The following ARHGEF37 variants were observed in gnomAD, a reference collection of about 807,000 sequenced individuals.
ARHGEF37 encodes the protein Rho guanine nucleotide exchange factor 37.
A neutral mutation model predicts 71.1 loss-of-function variants in ARHGEF37; 55 were observed. The observed-to-expected ratio is 0.77, with a 90% CI of 0.62 to 0.97. ARHGEF37 has a LOEUF of 0.97. Ranked by LOEUF, ARHGEF37 falls within the 50% of genes least tolerant of loss-of-function variation. ARHGEF37 has a pLI of 0.00. For missense variants in ARHGEF37, 765 were observed against 836.8 expected, an observed-to-expected ratio of 0.91 and a Z score of 1.06; for synonymous variants, 327 against 350.6, an observed-to-expected ratio of 0.93 and a Z score of 0.75.
chr5:149,632,252 G>C lies in ARHGEF37; in HGVS notation c.*61G>C. The C allele has an allele frequency of 6.4e-7, 1 of 1,558,858 alleles. No homozygotes were observed. Among genetic ancestry groups the C allele is most frequent in the Non-Finnish European group, 8.8e-7 (1 of 1,142,184 alleles). On this transcript the variant is annotated 3_prime_UTR_variant, in exon 13 of 13. Transcript: ENST00000333677. ...GGGGAGGCTTAGAGGCTCTGACCCT[G>C]GGGGGAAAAGAAGCAAAGGAAAGGT...
At chr5:149,557,705 A>G (rs1370130595) in intron 1 of ARHGEF37, among the ~76,000 whole-genome samples, 2 of 152,210 alleles carry the variant, frequency 1.3e-5, no homozygotes, top group Non-Finnish European at 2.9e-5. Flanking sequence ...ACAGTTAGCA[A>G]CTTCAAACCC....
At position 149,622,007 on chromosome 5, in the gene ARHGEF37, T is replaced by C; in HGVS notation, c.1280T>C (p.Leu427Pro). ...CAGATCATGTGCACATTCGTGACCC[T>C]CCAGAGGGACCTTGCAAAGCAAGTG... ...LGQIMCTFVT[L>P]QRDLAKQVLQ... Residue 427 changes from leucine (L) to proline (P), a missense_variant, in exon 9 of 13, where the codon CTC becomes CCC. By Grantham distance (98) the Leu-to-Pro change is moderately conservative. Around this residue, in one of 5 missense-constraint regions of ARHGEF37, gnomAD observed 390 missense variants for 407.4 expected, o/e 0.96. Transcript: ENST00000333677. 6.2e-7 allele frequency: 1 copy of C among 1,614,032 alleles called. No homozygotes were observed. The highest frequency in any genetic ancestry group is 1.7e-5 in the Admixed American group (1 of 60,002).
At chr5:149,580,018 G>A (rs953980277), upstream of ARHGEF37, among the ~76,000 whole-genome samples, 17 of 151,976 alleles carry the variant, frequency 1.1e-4, no homozygotes, top group African/African-American at 4.1e-4. Flanking sequence ...TAATCCATAG[G>A]GCTACTTTTT....
At chr5:149,579,545 G>A (rs1049444566), upstream of ARHGEF37, among the ~76,000 whole-genome samples, 1 of 151,996 alleles carries the variant, frequency 6.6e-6, no homozygotes, top group Non-Finnish European at 1.5e-5. Flanking sequence ...TACTTTTAGT[G>A]ACAGGATATG....
At chr5:149,612,760 C>T (rs894444750) in intron 4 of ARHGEF37, among the ~76,000 whole-genome samples, 3 of 152,218 alleles carry the variant, frequency 2.0e-5, no homozygotes, top group Non-Finnish European at 4.4e-5. Flanking sequence ...TAAATGCCTG[C>T]GGCATTACTT....
chr5:149,616,812 C>T (rs1752397477), intron 5 of ARHGEF37, 46 bp downstream of exon 5: 5 of 1,509,598 alleles, frequency 3.3e-6, no homozygotes, highest in Non-Finnish European at 4.5e-6. Context: ...GGAATGCTTC[C>T]AGTTACAGAA....
Position 149,621,878 on chromosome 5 carries a change from T to G in ARHGEF37, c.1151T>G (p.Val384Gly). The G allele has an allele frequency of 6.2e-7, 1 of 1,614,244 alleles. No homozygotes were observed. Among genetic ancestry groups the G allele is most frequent in the Non-Finnish European group, 8.5e-7 (1 of 1,180,044 alleles). ...VEEKLLEVGSVTYQEEAARHT... is the reference protein window; with the variant it reads ...VEEKLLEVGSGTYQEEAARHT... ...GAGAAGCTGCTGGAGGTGGGCAGTG[T>G]GACCTACCAGGAGGAGGCCGCCCGG... The change falls in exon 9 of 13, where the codon GTG (valine) becomes GGG (glycine). Residue 384 changes from valine (V) to glycine (G), a missense_variant. By Grantham distance (109) the Val-to-Gly change is moderately radical. Coordinates refer to ENST00000333677, the MANE Select transcript of ARHGEF37 (RefSeq NM_001001669.3).
At position 149,628,855 on chromosome 5, in the gene ARHGEF37, G is replaced by T; in HGVS notation, c.1707G>T (p.Val569=). 1 of 1,613,762 alleles carries T rather than the reference G, an allele frequency of 6.2e-7. No homozygotes were observed. Among genetic ancestry groups the T allele is most frequent in the South Asian group, 1.1e-5 (1 of 91,024 alleles). The change falls in exon 12 of 13, where the codon GTG becomes GTT. Residue 569 remains valine (V), a synonymous_variant. Transcript: ENST00000333677. ...VPAGKLQLYH[V]VPSAEELRRQ... is the part of the protein sequence containing the mutation. Reference sequence around the variant, plus strand: ...CTGGGAAACTACAGCTGTACCATGTGGTCCCCAGTGCAGAGGAGCTCAGAA... The same window carrying T: ...CTGGGAAACTACAGCTGTACCATGTTGTCCCCAGTGCAGAGGAGCTCAGAA...
At chr5:149,593,331 C>G (rs964542265) in intron 1 of ARHGEF37, among the ~76,000 whole-genome samples, 4 of 152,260 alleles carry the variant, frequency 2.6e-5, no homozygotes, top group African/African-American at 9.6e-5. Context: ...TCTCCATCCC[C>G]TCAGCCTTAG....
intron 4 of ARHGEF37, among the ~76,000 whole-genome samples, chr5:149,613,349 A>ATT (rs34322237): frequency 1.2e-3 from 175 of 145,188 alleles, no homozygotes; most frequent in Non-Finnish European, 1.2e-3. Context: ...GATAGATAGA[A>ATT]TTTTTTTTTT....
Position 149,572,943 on chromosome 5 carries a change from T to C in ARHGEF37, c.-12+20820T>C, listed in dbSNP as rs1762985246. Among the ~76,000 whole-genome samples the C allele has an allele frequency of 2.6e-5, 4 of 152,186 alleles. No homozygotes were observed. In the South Asian group the frequency reaches 8.3e-4, roughly 32 times the overall value. Reference sequence around the variant, plus strand: ...AATTTATTTTAAAAAAAAATTTATTTAGCTCACAATTCTGCAGGCTTGGTA... The same window carrying C: ...AATTTATTTTAAAAAAAAATTTATTCAGCTCACAATTCTGCAGGCTTGGTA... On this transcript the variant is annotated intron_variant, in intron 1 of 2. Coordinates refer to the ARHGEF37 transcript ENST00000505810.
In ARHGEF37 at chr5:149,609,730, C is replaced by T. The variant is rs760239163; in HGVS notation, c.458+35C>T. 5.0e-6 allele frequency: 8 copies of T among 1,610,282 alleles called. No homozygotes were observed. In the South Asian group the frequency reaches 8.8e-5, roughly 18 times the overall value. ...ACGGCCAGTGAGCACTCGCTCCTACCCCACTGACCCGGTTCAGGAGCAGCT... is the reference window on the plus strand; with the variant it reads ...ACGGCCAGTGAGCACTCGCTCCTACTCCACTGACCCGGTTCAGGAGCAGCT... On this transcript the variant is annotated intron_variant, in intron 4 of 12. Coordinates refer to ENST00000333677, the MANE Select transcript of ARHGEF37 (RefSeq NM_001001669.3).
chr5:149,567,379 A>G (rs1762910024), intron 1 of ARHGEF37, among the ~76,000 whole-genome samples: 1 of 152,228 alleles, frequency 6.6e-6, no homozygotes, highest in Non-Finnish European at 1.5e-5. Context: ...GGTGGTGTCC[A>G]CAAAGTTATT....
chr5:149,583,298 G>A (rs944618883), intron 1 of ARHGEF37, among the ~76,000 whole-genome samples: 7 of 152,212 alleles, frequency 4.6e-5, no homozygotes, highest in East Asian at 1.9e-4. Context: ...CACTATGCCC[G>A]GTTAATTTTT....
chr5:149,618,369 TGGGTAGACAGG>T, intron 6 of ARHGEF37, 63 bp downstream of exon 6: 1 of 1,605,146 alleles, frequency 6.2e-7, no homozygotes, highest in Non-Finnish European at 8.5e-7. Context: ...CCCTGCACAG[TGGGTAGACAGG>T]GGACTTAGGC....
Position 149,573,326 on chromosome 5 carries a change from A to G in ARHGEF37, c.-12+21203A>G, listed in dbSNP as rs184463885. Among the ~76,000 whole-genome samples the G allele has an allele frequency of 2.5e-3, 385 of 152,282 alleles. 2 individuals are homozygous for G. The highest frequency in any genetic ancestry group is 9.1e-3 in the African/African-American group (379 of 41,556). On this transcript the variant is annotated intron_variant, in intron 1 of 2. Transcript: ENST00000505810. The stretch of plus-strand genomic sequence containing the variant: ...ACTGTATCCAAACCATAGCATTCCA[A>G]GTCTCATAATCACATTAGCCAATTC...
chr5:149,588,603 A>G (rs1763308686), intron 1 of ARHGEF37, among the ~76,000 whole-genome samples: 1 of 152,046 alleles, frequency 6.6e-6, no homozygotes, highest in Non-Finnish European at 1.5e-5. Context: ...CGGCCCCTTT[A>G]TTCTTCAACA....
intron 1 of ARHGEF37, among the ~76,000 whole-genome samples, chr5:149,569,642 A>G (rs1404870839): frequency 6.9e-6 from 1 of 145,296 alleles, no homozygotes. Context: ...TTTGAGATGG[A>G]GTCTTGCTCT....
chr5:149,605,975 A>G (rs1763903639), intron 3 of ARHGEF37, among the ~76,000 whole-genome samples: 1 of 152,130 alleles, frequency 6.6e-6, no homozygotes, highest in South Asian at 2.1e-4. Flanking sequence ...GTGACTGGAG[A>G]AGGACAAGCA....
Sources: allele counts gnomAD v4.1 joint callset (sites outside exome capture counted in the v4.1 genomes callset), GRCh38; gene constraint gnomAD v4.1.1; regional missense constraint gnomAD v4.1.1; transcripts MANE v1.5; gene names NCBI Gene and HGNC (gene_info 2026-07-23, HGNC 2026-07-21).